The following SORBS2 variants were observed in gnomAD, a reference collection of about 807,000 sequenced individuals.
The protein encoded by SORBS2 is sorbin and SH3 domain containing 2, also known as sorbin and SH3 domain-containing protein 2.
SORBS2 carries 46 observed loss-of-function variants against 97.7 expected under a neutral mutation model. The observed-to-expected ratio is 0.47, with a 90% CI of 0.37 to 0.60. The LOEUF (loss-of-function observed/expected upper bound fraction) is 0.60. SORBS2 is among the 20% of genes least tolerant of loss of function. SORBS2 has a pLI of 0.00. For synonymous variants in SORBS2, 476 were observed against 473.4 expected (o/e 1.01, Z -0.07); for missense variants, 1,316 against 1,282.3 (o/e 1.03, Z -0.40).
At chr4:185,836,320 T>C (rs1392697174) in intron 1 of SORBS2, among the ~76,000 whole-genome samples, 1 of 152,182 alleles carries the variant, frequency 6.6e-6, no homozygotes, top group Non-Finnish European at 1.5e-5. Context: ...CGGCTTTACT[T>C]TCTGCTCAAA....
chr4:185,787,962 G>A (rs934032969), intron 1 of SORBS2, among the ~76,000 whole-genome samples: 7 of 152,198 alleles, frequency 4.6e-5, no homozygotes, highest in African/African-American at 1.4e-4. Context: ...CATGACCAGC[G>A]CCAGGGTCTA....
chr4:185,595,931 C>T (rs2096074990), intron 12 of SORBS2, among the ~76,000 whole-genome samples: 1 of 152,084 alleles, frequency 6.6e-6, no homozygotes, highest in African/African-American at 2.4e-5. Flanking sequence ...ATGTTAGTCA[C>T]TGAAAAATAC....
At chr4:185,767,391 T>C in intron 2 of SORBS2, among the ~76,000 whole-genome samples, 1 of 138,244 alleles carries the variant, frequency 7.2e-6, no homozygotes, top group Admixed American at 7.7e-5. Context: ...TTCCAGTTAC[T>C]CGGGAGGCTG....
In SORBS2 at chr4:185,824,391, C is replaced by T. The variant is rs112486317; in HGVS notation, c.-337-49025G>A. ...CATTGAATGAGGGCCCACCTTAATC[C>T]CTATGACCCCATCTTGCCTTGTTAC... On this transcript the variant is annotated intron_variant, in intron 1 of 20. Transcript: ENST00000284776. Among the ~76,000 whole-genome samples the T allele has an allele frequency of 9.2e-5, 14 of 152,254 alleles. 1 individual carries two copies. Among genetic ancestry groups the T allele is most frequent in the African/African-American group, 3.4e-4 (14 of 41,552 alleles).
intron 1 of SORBS2, among the ~76,000 whole-genome samples, chr4:185,841,393 C>T (rs772639753): frequency 2.0e-5 from 3 of 152,024 alleles, no homozygotes; most frequent in Non-Finnish European, 2.9e-5. Context: ...TGCACTTGCT[C>T]GTGTATTAGA....
At chr4:185,723,376 A>G (rs2098531313) in intron 2 of SORBS2, among the ~76,000 whole-genome samples, 1 of 152,236 alleles carries the variant, frequency 6.6e-6, no homozygotes, top group Non-Finnish European at 1.5e-5. Flanking sequence ...TGCATCATGG[A>G]TCATATAGAA....
At chr4:185,707,952 C>G (rs997749529) in intron 2 of SORBS2, among the ~76,000 whole-genome samples, 241 of 152,248 alleles carry the variant, frequency 1.6e-3, no homozygotes, top group African/African-American at 5.5e-3. Flanking sequence ...CACAGCCAAA[C>G]CTTATCAGTA....
At chr4:185,810,258 T>C (rs755578439) in intron 1 of SORBS2, among the ~76,000 whole-genome samples, 2 of 152,252 alleles carry the variant, frequency 1.3e-5, no homozygotes, top group African/African-American at 2.4e-5. Flanking sequence ...AACAAAAGTT[T>C]GGAAAACTAT....
chr4:185,741,398 T>TTTTTG (rs2098724760), intron 2 of SORBS2, among the ~76,000 whole-genome samples: 1 of 114,432 alleles, frequency 8.7e-6, no homozygotes, highest in African/African-American at 3.4e-5. Context: ...CTTTTCTTTT[T>TTTTTG]TTTTTGTTTT....
At chr4:185,648,129 G>GTTT (rs57907928) in intron 3 of SORBS2, among the ~76,000 whole-genome samples, 1 of 143,540 alleles carries the variant, frequency 7.0e-6, no homozygotes, top group East Asian at 2.0e-4. Context: ...ATTTTTATTT[G>GTTT]TTTTTTTTTT....
At chr4:185,819,617 A>G (rs1175681354) in intron 1 of SORBS2, among the ~76,000 whole-genome samples, 1 of 152,226 alleles carries the variant, frequency 6.6e-6, no homozygotes. Flanking sequence ...CTGGGTACAA[A>G]GAAAGTACTA....
chr4:185,665,965 A>C, intron 4 of SORBS2: 1 of 1,258,716 alleles, frequency 7.9e-7, no homozygotes, highest in Non-Finnish European at 1.0e-6. Context: ...TGGAGCTGGG[A>C]GCAGGTGTTT....
chr4:185,806,583 G>C (rs889988357), intron 1 of SORBS2, among the ~76,000 whole-genome samples: 3 of 149,366 alleles, frequency 2.0e-5, no homozygotes, highest in African/African-American at 7.4e-5. Flanking sequence ...TCAGCCTCCC[G>C]AGTAGCTGGG....
chr4:185,866,730 A>T (rs1434904079), intron 1 of SORBS2, among the ~76,000 whole-genome samples: 1 of 152,238 alleles, frequency 6.6e-6, no homozygotes, highest in Non-Finnish European at 1.5e-5. Context: ...TATTGTCTTG[A>T]AACCTCAGTA....
At chr4:185,599,974 C>G (rs2096220185) in intron 12 of SORBS2, among the ~76,000 whole-genome samples, 1 of 152,228 alleles carries the variant, frequency 6.6e-6, no homozygotes, top group African/African-American at 2.4e-5. Context: ...AGCCCTCTGA[C>G]AGGTGAGCCG....
At chr4:185,663,846 T>G (rs955624964) in intron 4 of SORBS2, among the ~76,000 whole-genome samples, 1 of 132,222 alleles carries the variant, frequency 7.6e-6, no homozygotes, top group African/African-American at 2.7e-5. Context: ...AGTAGATTTA[T>G]TCTTTTTTTT....
chr4:185,613,699 C>G (rs1055715219), intron 11 of SORBS2, among the ~76,000 whole-genome samples: 13 of 150,552 alleles, frequency 8.6e-5, no homozygotes, highest in African/African-American at 3.2e-4. Context: ...AAAATTGCAC[C>G]GATTTTCTAG....
chr4:185,678,247 G>C (rs775450420), intron 4 of SORBS2, among the ~76,000 whole-genome samples, 176 bp downstream of exon 7: 3 of 152,186 alleles, frequency 2.0e-5, no homozygotes, highest in Non-Finnish European at 4.4e-5. Context: ...ACCCTTGTTT[G>C]TTAAAATTTG....
chr4:185,681,633 A>T (rs2097868960), intron 2 of SORBS2, among the ~76,000 whole-genome samples: 1 of 152,178 alleles, frequency 6.6e-6, no homozygotes, highest in Non-Finnish European at 1.5e-5. Flanking sequence ...GCTGTTTTGC[A>T]TGTGAATATT....
Sources: gnomAD v4.1 joint callset for allele counts (sites outside exome capture counted in the v4.1 genomes callset) on GRCh38, gnomAD v4.1.1 for gene constraint, MANE v1.5 for transcripts, NCBI Gene and HGNC (gene_info 2026-07-23, HGNC 2026-07-21) for gene names.